The following LRRFIP1 variants were observed in gnomAD, a reference collection of about 807,000 sequenced individuals.
The protein encoded by LRRFIP1 is leucine-rich repeat flightless-interacting protein 1.
In LRRFIP1, 62 loss-of-function variants were observed where a neutral mutation model predicts 104.4. The ratio of observed to expected loss-of-function variants is 0.59; its 90% CI spans 0.48 to 0.73. The LOEUF (loss-of-function observed/expected upper bound fraction) is 0.73. LRRFIP1 is among the 30% of genes least tolerant of loss of function. LRRFIP1 has a pLI of 0.00. For synonymous variants in LRRFIP1, 300 were observed against 299.0 expected, an observed-to-expected ratio of 1.00 and a Z score of -0.03; for missense variants, 796 against 824.5, an observed-to-expected ratio of 0.97 and a Z score of 0.42.
intron 2 of LRRFIP1, among the ~76,000 whole-genome samples, chr2:237,712,621 G>C (rs186178251): frequency 6.6e-6 from 1 of 152,222 alleles, no homozygotes. Flanking sequence ...GTGTGCGCAC[G>C]CATTCGTGTG....
chr2:237,671,969 C>G (rs764034483), intron 1 of LRRFIP1, among the ~76,000 whole-genome samples: 2 of 150,974 alleles, frequency 1.3e-5, no homozygotes, highest in African/African-American at 2.4e-5. Flanking sequence ...CACTGTTCAC[C>G]GGGTTGAGGG....
chr2:237,685,173 G>A (rs144881191), intron 1 of LRRFIP1, among the ~76,000 whole-genome samples: 69 of 151,346 alleles, frequency 4.6e-4, no homozygotes, highest in South Asian at 4.2e-4. Flanking sequence ...TTTACTGGAG[G>A]TGTTTGTGGC....
intron 1 of LRRFIP1, among the ~76,000 whole-genome samples, chr2:237,664,427 T>C (rs537118703): frequency 1.3e-5 from 2 of 152,342 alleles, no homozygotes; most frequent in East Asian, 1.9e-4. Flanking sequence ...CTCGGCGGTG[T>C]GGCAGTGTGT....
chr2:237,680,621 G>C (rs2091704049), intron 1 of LRRFIP1, among the ~76,000 whole-genome samples: 1 of 152,200 alleles, frequency 6.6e-6, no homozygotes, highest in South Asian at 2.1e-4. Flanking sequence ...TGAATACCGA[G>C]GGACAACTGC....
chr2:237,756,322 T>C, intron 16 of LRRFIP1, 135 bp downstream of exon 16: 2 of 666,990 alleles, frequency 3.0e-6, no homozygotes, highest in Non-Finnish European at 5.0e-6. Flanking sequence ...ATTAATTTTC[T>C]TACAATTCTG....
In LRRFIP1 at chr2:237,708,782, G is replaced by C. The variant is rs780952768; in HGVS notation, c.183+152G>C. The C allele has an allele frequency of 2.0e-5, 17 of 868,368 alleles. No individual in the cohort carries two copies. In the African/African-American group the frequency reaches 2.8e-4, roughly 15 times the overall value. 53.8% of individuals were successfully genotyped at this position (868,368 alleles called of 1,614,324 possible). ...TTTGCGCCTGTGACTTCTGCCCAAG[G>C]TCAGGCCAGGAGTGCGCATAGCACG... is the stretch of plus-strand genomic sequence containing the variant. On this transcript the variant is annotated intron_variant, in intron 2 of 23. Coordinates refer to ENST00000308482, the MANE Select transcript of LRRFIP1 (RefSeq NM_001137550.2).
intron 1 of LRRFIP1, among the ~76,000 whole-genome samples, chr2:237,664,283 C>T (rs966654902): frequency 6.6e-5 from 10 of 152,358 alleles, no homozygotes; most frequent in East Asian, 5.8e-4. Flanking sequence ...GCAAAGAGGC[C>T]GGCGGCGTTC....
At position 237,658,054 on chromosome 2, in the gene LRRFIP1, A is replaced by T. The variant is rs2087145701; in HGVS notation, c.96+30314A>T. Among the ~76,000 whole-genome samples the T allele has an allele frequency of 2.6e-5, 4 of 152,214 alleles. No individual in the cohort carries two copies. The South Asian group carries it at 8.3e-4, about 32-fold the overall frequency. Reference sequence around the variant, plus strand: ...GCATGGAAATCCTAAAACCAAGGAGAACCACCTAAAAAACTGTGACAAACA... The same window carrying T: ...GCATGGAAATCCTAAAACCAAGGAGTACCACCTAAAAAACTGTGACAAACA... On this transcript the variant is annotated intron_variant, in intron 1 of 23. Coordinates refer to ENST00000308482, the MANE Select transcript of LRRFIP1 (RefSeq NM_001137550.2).
At chr2:237,668,431 C>T (rs940531739) in intron 1 of LRRFIP1, among the ~76,000 whole-genome samples, 1 of 152,204 alleles carries the variant, frequency 6.6e-6, no homozygotes, top group African/African-American at 2.4e-5. Flanking sequence ...GAAAACACAA[C>T]CCTCATGCTA....
chr2:237,723,461 G>T (rs949837684), intron 6 of LRRFIP1, 87 bp from the exon 7 acceptor site: 10 of 1,276,342 alleles, frequency 7.8e-6, no homozygotes, highest in Non-Finnish European at 1.1e-5. Context: ...AAGATTGCTT[G>T]TATTTATGTT....
In LRRFIP1 at chr2:237,762,924, C is replaced by T. The variant is rs771997296; in HGVS notation, c.1459+2719C>T. ...GCACCAGATGACAGGACCAGAACTC[C>T]CCTTGAGCCATCCAACTGTTGGAGT... On this transcript the variant is annotated intron_variant, in intron 19 of 23. Transcript: ENST00000308482. 1.5e-5 allele frequency: 25 copies of T among 1,614,036 alleles called. 1 individual carries two copies. The South Asian group carries it at 1.9e-4, about 12-fold the overall frequency.
chr2:237,629,991 G>A lies in LRRFIP1; in HGVS notation c.96+2251G>A, dbSNP rs117383834. Among the ~76,000 whole-genome samples the A allele has an allele frequency of 1.4e-4, 22 of 152,226 alleles. No individual in the cohort carries two copies. In the East Asian group the frequency reaches 2.5e-3, roughly 17 times the overall value. On this transcript the variant is annotated intron_variant, in intron 1 of 23. Transcript: ENST00000308482. Reference sequence around the variant, plus strand: ...CTCTTCTCTGGGCCTCTGTTTTCTCGTCTCTAAAATGGAGAAGAAGAAACC... The same window carrying A: ...CTCTTCTCTGGGCCTCTGTTTTCTCATCTCTAAAATGGAGAAGAAGAAACC...
chr2:237,655,526 G>T (rs1053734446), intron 1 of LRRFIP1, among the ~76,000 whole-genome samples: 1 of 152,130 alleles, frequency 6.6e-6, no homozygotes, highest in African/African-American at 2.4e-5. Flanking sequence ...ATCTCACATC[G>T]CTGAGTGCTA....
intron 19 of LRRFIP1, chr2:237,763,809 G>A (rs1202294885): frequency 6.2e-7 from 1 of 1,614,044 alleles, no homozygotes; most frequent in Non-Finnish European, 8.5e-7. Flanking sequence ...TTAGATGAAG[G>A]TGTTGCAAAA....
chr2:237,684,053 G>A (rs1368800735), intron 1 of LRRFIP1: 1 of 152,080 alleles, frequency 6.6e-6, no homozygotes, highest in Non-Finnish European at 1.5e-5. Flanking sequence ...GGCTCTGACT[G>A]TCAGGAATAT....
intron 1 of LRRFIP1, among the ~76,000 whole-genome samples, chr2:237,629,467 CTTTTT>C (rs745503726): frequency 0.03 from 3,561 of 117,356 alleles, 102 homozygotes; most frequent in African/African-American, 0.078. Context: ...TTTCTTTCTT[CTTTTT>C]TTTTTTTTTT....
intron 1 of LRRFIP1, among the ~76,000 whole-genome samples, chr2:237,632,308 G>T (rs1473523896): frequency 6.6e-6 from 1 of 152,178 alleles, no homozygotes; most frequent in African/African-American, 2.4e-5. Flanking sequence ...TGTCCCCCAG[G>T]CTTGTTTCAA....
chr2:237,708,678 C>G (rs1559619081), intron 2 of LRRFIP1, 48 bp downstream of exon 2: 1 of 1,554,266 alleles, frequency 6.4e-7, no homozygotes, highest in Non-Finnish European at 8.7e-7. Flanking sequence ...GATTTGCGTG[C>G]TGGGCCCAGG....
chr2:237,689,455 G>T (rs953447689), intron 1 of LRRFIP1, among the ~76,000 whole-genome samples: 1 of 152,152 alleles, frequency 6.6e-6, no homozygotes, highest in South Asian at 2.1e-4. Flanking sequence ...CTACTACTTA[G>T]CAGAATCAGA....
Sources: allele counts gnomAD v4.1 joint callset (sites outside exome capture counted in the v4.1 genomes callset), GRCh38; gene constraint gnomAD v4.1.1; transcripts MANE v1.5; gene names NCBI Gene and HGNC (gene_info 2026-07-23, HGNC 2026-07-21).